NMRK1: variants seen among roughly 807,000 people sequenced by gnomAD.
The protein encoded by NMRK1 is NRK 1.
A neutral mutation model predicts 29.9 loss-of-function variants in NMRK1; 28 were observed. The observed-to-expected ratio is 0.94, with a 90% CI of 0.69 to 1.28. The LOEUF is 1.28. NMRK1 is among the 50% of genes most tolerant of loss of function. The pLI is 0.00. For missense variants in NMRK1, 218 were observed against 233.1 expected (o/e 0.94, Z 0.42); for synonymous variants, 58 against 73.0 (o/e 0.79, Z 1.05).
At chr9:75,082,166 G>A (rs1462712389) in intron 2 of NMRK1, among the ~76,000 whole-genome samples, 1 of 152,238 alleles carries the variant, frequency 6.6e-6, no homozygotes, top group Non-Finnish European at 1.5e-5. Flanking sequence ...TGATAGAGGT[G>A]TGTAGGAAAG....
chr9:75,079,316 C>T (rs1025161808), intron 2 of NMRK1, among the ~76,000 whole-genome samples: 2 of 152,112 alleles, frequency 1.3e-5, no homozygotes, highest in East Asian at 1.9e-4. Flanking sequence ...TGACTTTTCC[C>T]CTTCTTTAAC....
rs563614505 is a variant in NMRK1 at position 75,069,896 on chromosome 9, T to C, written c.316A>G (p.Lys106Glu). 1 of 1,613,296 alleles carries C rather than the reference T, an allele frequency of 6.2e-7. No homozygotes were observed. The highest frequency in any genetic ancestry group is 1.3e-5 in the African/African-American group (1 of 74,968). ...CAATATTAGGGTGGAGATGCTTACTTATAATTAAAAAGAAGAAAACCTTCG... is the reference window on the plus strand; with the variant it reads ...CAATATTAGGGTGGAGATGCTTACTCATAATTAAAAAGAAGAAAACCTTCG... ...IIEGFLLFNYKPLDTIWNRSY... is the reference protein window; with the variant it reads ...IIEGFLLFNYEPLDTIWNRSY... The change falls in exon 5 of 9, where the codon AAG becomes GAG. Residue 106 changes from lysine to glutamate, a missense_variant and splice_region_variant. Coordinates refer to ENST00000361092, the MANE Select transcript of NMRK1 (RefSeq NM_017881.3).
intron 2 of NMRK1, among the ~76,000 whole-genome samples, chr9:75,081,395 C>T (rs1824313015): frequency 6.6e-6 from 1 of 151,734 alleles, no homozygotes; most frequent in African/African-American, 2.4e-5. Context: ...GAGTTCAAGA[C>T]CAACCTGGAT....
intron 7 of NMRK1, 55 bp downstream of exon 7, chr9:75,068,941 C>T: frequency 8.1e-7 from 1 of 1,236,256 alleles, no homozygotes; most frequent in Non-Finnish European, 1.2e-6. Context: ...CTTTTCTATA[C>T]TTTGAGGCAA....
At chr9:75,069,646 G>T in intron 6 of NMRK1, 96 bp downstream of exon 6, 1 of 912,120 alleles carries the variant, frequency 1.1e-6, no homozygotes, top group Non-Finnish European at 1.7e-6. Context: ...TCTGAAAAAT[G>T]ACGTATACGC....
chr9:75,080,970 C>T (rs1824287001), intron 2 of NMRK1, among the ~76,000 whole-genome samples: 1 of 152,162 alleles, frequency 6.6e-6, no homozygotes, highest in Admixed American at 6.5e-5. Flanking sequence ...AATAAACCTC[C>T]TTTTCTTTAT....
chr9:75,087,841 G>A (rs1002355265), intron 1 of NMRK1, 167 bp downstream of exon 1: 72 of 152,306 alleles, frequency 4.7e-4, no homozygotes, highest in African/African-American at 1.6e-3. Context: ...ATGAGTACAC[G>A]TCCTCCTCGG....
chr9:75,081,715 A>C (rs532914918), intron 2 of NMRK1, among the ~76,000 whole-genome samples: 3 of 152,328 alleles, frequency 2.0e-5, no homozygotes, highest in African/African-American at 7.2e-5. Context: ...TCCAGAACAG[A>C]ACCCACTGAC....
chr9:75,083,197 A>AT (rs1824419589), intron 1 of NMRK1, 47 bp from the exon 2 acceptor site: 1 of 956,766 alleles, frequency 1.0e-6, no homozygotes, highest in Non-Finnish European at 1.7e-6. Flanking sequence ...TTTCATTTAG[A>AT]TGTCTAGGGA....
chr9:75,080,625 C>T (rs1216158504), intron 2 of NMRK1, among the ~76,000 whole-genome samples: 1 of 152,148 alleles, frequency 6.6e-6, no homozygotes, highest in Non-Finnish European at 1.5e-5. Context: ...GCACTCCAGC[C>T]TGGGCGAGCA....
chr9:75,067,038 G>T, intron 7 of NMRK1, 198 bp from the exon 8 acceptor site: 1 of 447,506 alleles, frequency 2.2e-6, no homozygotes, highest in South Asian at 4.3e-5. Flanking sequence ...ATATTGGATT[G>T]TTACAGATAA....
intron 8 of NMRK1, among the ~76,000 whole-genome samples, chr9:75,062,102 A>T (rs1313486907): frequency 6.6e-6 from 1 of 152,208 alleles, no homozygotes; most frequent in East Asian, 1.9e-4. Context: ...ACATCCTTTG[A>T]CTACATAAGT....
chr9:75,076,071 C>T (rs765581353), intron 4 of NMRK1, among the ~76,000 whole-genome samples: 4 of 152,130 alleles, frequency 2.6e-5, no homozygotes, highest in Non-Finnish European at 4.4e-5. Context: ...ATTCTATTAC[C>T]AGGTATATAT....
chr9:75,069,603 G>T, intron 6 of NMRK1, 139 bp downstream of exon 6: 2 of 687,046 alleles, frequency 2.9e-6, no homozygotes, highest in South Asian at 1.8e-5. Context: ...AAAGAGTTTT[G>T]CTCCTTTTGT....
chr9:75,078,568 A>G, intron 2 of NMRK1: 1 of 1,275,078 alleles, frequency 7.8e-7, no homozygotes, highest in Non-Finnish European at 9.9e-7. Flanking sequence ...GCGTGTTTTA[A>G]CCTGGGGCTC....
At chr9:75,082,555 A>G (rs529050918) in intron 2 of NMRK1, among the ~76,000 whole-genome samples, 1 of 152,316 alleles carries the variant, frequency 6.6e-6, no homozygotes, top group East Asian at 1.9e-4. Context: ...TGCCTATGGC[A>G]CCACAGGTAG....
chr9:75,074,991 C>T (rs1027525217), intron 4 of NMRK1, among the ~76,000 whole-genome samples: 2 of 152,232 alleles, frequency 1.3e-5, no homozygotes, highest in Non-Finnish European at 2.9e-5. Flanking sequence ...TATCTATATA[C>T]TTCCATCTAA....
intron 1 of NMRK1, among the ~76,000 whole-genome samples, chr9:75,086,313 G>A (rs558974514): frequency 7.9e-5 from 12 of 152,310 alleles, no homozygotes; most frequent in African/African-American, 2.9e-4. Context: ...TAAATCATGT[G>A]ATGTGTCCAA....
Sources: gnomAD v4.1 joint callset for allele counts (sites outside exome capture counted in the v4.1 genomes callset) on GRCh38, gnomAD v4.1.1 for gene constraint, MANE v1.5 for transcripts, NCBI Gene and HGNC (gene_info 2026-07-23, HGNC 2026-07-21) for gene names.